The following ASH1L variants were observed in gnomAD, a reference collection of about 807,000 sequenced individuals.
The protein encoded by ASH1L is histone-lysine N-methyltransferase ASH1L.
In ASH1L, 23 loss-of-function variants were observed where a neutral mutation model predicts 269.0. The observed-to-expected ratio is 0.09, with a 90% CI of 0.06 to 0.12. ASH1L has a LOEUF of 0.12. Among genes scored for constraint, ASH1L ranks in the 10% least tolerant of loss-of-function variants. The pLI is 1.00. For synonymous variants in ASH1L, 1,187 were observed against 1,253.5 expected (o/e 0.95, Z 1.12); for missense variants, 2,912 against 3,567.8 (o/e 0.82, Z 4.68).
intron 12 of ASH1L, among the ~76,000 whole-genome samples, chr1:155,362,316 G>A (rs538079415): frequency 6.6e-6 from 1 of 151,822 alleles, no homozygotes; most frequent in East Asian, 1.9e-4. Context: ...TTACAGGCAT[G>A]AGCCACCGTG....
At chr1:155,345,828 C>CTTT (rs547656258) in intron 21 of ASH1L, 25 of 144,130 alleles carry the variant, frequency 1.7e-4, no homozygotes, top group South Asian at 4.6e-4. Context: ...TGCACCCGGC[C>CTTT]TTTTTTTTTT....
chr1:155,416,279 C>T (rs1435431721), intron 5 of ASH1L, among the ~76,000 whole-genome samples: 1 of 151,286 alleles, frequency 6.6e-6, no homozygotes, highest in Non-Finnish European at 1.5e-5. Context: ...TACAGGGGCA[C>T]GCCACCAGTT....
At chr1:155,405,980 G>C (rs1358098946) in intron 6 of ASH1L, among the ~76,000 whole-genome samples, 4 of 151,942 alleles carry the variant, frequency 2.6e-5, no homozygotes, top group Admixed American at 1.3e-4. Context: ...GAGGCGGATG[G>C]ATCACTTGAG....
chr1:155,349,231 A>G, intron 19 of ASH1L, 96 bp downstream of exon 19: 1 of 1,398,944 alleles, frequency 7.1e-7, no homozygotes, highest in Admixed American at 2.2e-5. Flanking sequence ...TCCAACCAGA[A>G]ATATGGCTGA....
At chr1:155,508,074 T>C (rs1371719894) in intron 2 of ASH1L, among the ~76,000 whole-genome samples, 1 of 152,126 alleles carries the variant, frequency 6.6e-6, no homozygotes, top group Non-Finnish European at 1.5e-5. Context: ...AAAACGGAAT[T>C]TTCTTTAAAT....
intron 3 of ASH1L, among the ~76,000 whole-genome samples, chr1:155,469,718 T>C (rs563745774): frequency 6.6e-6 from 1 of 152,338 alleles, no homozygotes; most frequent in Admixed American, 6.5e-5. Context: ...ACATCATCTC[T>C]ACCTTGGCTC....
rs1654498617 is a variant in ASH1L at position 155,357,235 on chromosome 1, T to A, written c.7055+81A>T. The A allele has an allele frequency of 8.3e-6, 9 of 1,089,336 alleles. No homozygotes were observed. The South Asian group carries it at 1.1e-4, about 14-fold the overall frequency. 67.5% of individuals were successfully genotyped at this position (1,089,336 alleles called of 1,614,324 possible). The stretch of plus-strand genomic sequence containing the variant: ...AAGACAAAAGAAAGTGGATCAACAA[T>A]ATAGAAGTTTCATAATTTTTTACAC... On this transcript the variant is annotated intron_variant, in intron 15 of 27. Coordinates refer to ENST00000392403, the MANE Select transcript of ASH1L (RefSeq NM_018489.3).
chr1:155,514,187 A>G (rs1382220795), intron 2 of ASH1L, among the ~76,000 whole-genome samples: 1 of 152,216 alleles, frequency 6.6e-6, no homozygotes, highest in Non-Finnish European at 1.5e-5. Context: ...GAAAATGTCA[A>G]AAAAAGATCC....
intron 7 of ASH1L, among the ~76,000 whole-genome samples, chr1:155,386,073 T>C (rs1657404236): frequency 6.6e-6 from 1 of 151,918 alleles, no homozygotes; most frequent in African/African-American, 2.4e-5. Flanking sequence ...TTGCCCATTT[T>C]TTTTTTTTTT....
intron 2 of ASH1L, among the ~76,000 whole-genome samples, chr1:155,492,894 C>T (rs1402610845): frequency 6.6e-6 from 1 of 152,078 alleles, no homozygotes; most frequent in Non-Finnish European, 1.5e-5. Flanking sequence ...TCAATCTCAG[C>T]TTGCCACAAC....
At chr1:155,504,693 A>C (rs1307339920) in intron 2 of ASH1L, among the ~76,000 whole-genome samples, 1 of 152,022 alleles carries the variant, frequency 6.6e-6, no homozygotes, top group African/African-American at 2.4e-5. Flanking sequence ...ATCTCTACTA[A>C]AAATACAAAA....
intron 4 of ASH1L, among the ~76,000 whole-genome samples, chr1:155,458,890 A>G (rs192803635): frequency 6.6e-6 from 1 of 152,122 alleles, no homozygotes; most frequent in East Asian, 1.9e-4. Context: ...ACATTAAAAA[A>G]ATTATTTCTT....
intron 4 of ASH1L, among the ~76,000 whole-genome samples, chr1:155,444,674 G>A (rs1182969327): frequency 6.6e-6 from 1 of 151,960 alleles, no homozygotes; most frequent in Non-Finnish European, 1.5e-5. Flanking sequence ...GGAGTACAGT[G>A]GTGCAATCTT....
In ASH1L at chr1:155,356,931, A is replaced by AT. The variant is rs201079874; in HGVS notation, c.7055+384dup. 3.3e-3 allele frequency among the ~76,000 whole-genome samples: 408 copies of AT among 121,974 alleles called. 2 individuals carry two copies. Among genetic ancestry groups the AT allele is most frequent in the Middle Eastern group, 0.023 (6 of 266 alleles). The allele number at this position is 121,974 out of a possible 152,430, so 80.0% of individuals were successfully genotyped here. ...TAGTGAGACCTTGTCTCTACAAAAA[A>AT]TTTAAAAAAAAAAAATTAGCCAGGT... On this transcript the variant is annotated intron_variant, in intron 15 of 27. Coordinates refer to ENST00000392403, the MANE Select transcript of ASH1L (RefSeq NM_018489.3).
At chr1:155,416,885 C>T (rs1036275183) in intron 5 of ASH1L, among the ~76,000 whole-genome samples, 2 of 150,368 alleles carry the variant, frequency 1.3e-5, no homozygotes, top group African/African-American at 4.9e-5. Flanking sequence ...TCCCTCCCAC[C>T]CACCTTCCCT....
intron 6 of ASH1L, among the ~76,000 whole-genome samples, chr1:155,400,520 G>A (rs1390118513): frequency 2.0e-5 from 3 of 152,114 alleles, no homozygotes; most frequent in African/African-American, 7.2e-5. Flanking sequence ...CCATTTTAAA[G>A]CTGAGGACAC....
chr1:155,426,850 G>C (rs944216905), intron 5 of ASH1L, among the ~76,000 whole-genome samples: 3 of 152,076 alleles, frequency 2.0e-5, no homozygotes, highest in Non-Finnish European at 2.9e-5. Flanking sequence ...TTGTTCAAGG[G>C]TCAACTGTAT....
rs940442958 is a variant in ASH1L at position 155,532,839 on chromosome 1, T to TTA, written c.-99-11223_-99-11222dup. Among the ~76,000 whole-genome samples the TTA allele has an allele frequency of 8.9e-3, 1,283 of 143,372 alleles. 8 individuals carry two copies. The highest frequency in any genetic ancestry group is 0.025 in the African/African-American group (978 of 38,888). 94.1% of individuals were successfully genotyped at this position (143,372 alleles called of 152,430 possible). A position where few individuals can be genotyped will look rare whatever the true frequency, so the allele number is the denominator to read the frequency against. ...CTCTGTCTCAAAAAAAAAAAAAAAATTATATATATATATATGCACACATAT... is the reference window on the plus strand; with the variant it reads ...CTCTGTCTCAAAAAAAAAAAAAAAATTATATATATATATATATGCACACATAT... On this transcript the variant is annotated intron_variant, in intron 1 of 27. Transcript: ENST00000392403.
intron 7 of ASH1L, among the ~76,000 whole-genome samples, chr1:155,390,896 G>A (rs780167503): frequency 6.0e-5 from 9 of 150,568 alleles, no homozygotes; most frequent in East Asian, 3.9e-4. Context: ...TGATCTGCCC[G>A]CCTTGGCTTC....
Sources: gnomAD v4.1 joint callset for allele counts (sites outside exome capture counted in the v4.1 genomes callset) on GRCh38, gnomAD v4.1.1 for gene constraint, MANE v1.5 for transcripts, NCBI Gene and HGNC (gene_info 2026-07-23, HGNC 2026-07-21) for gene names.